CCDC141: variants seen among roughly 807,000 people sequenced by gnomAD.
CCDC141 encodes coiled-coil domain-containing protein 141.
CCDC141 carries 168 observed loss-of-function variants against 181.0 expected under a neutral mutation model. That is an observed-to-expected ratio of 0.93 (90% CI 0.82 to 1.05). The LOEUF is 1.05. Among genes scored for constraint, CCDC141 ranks in the 50% least tolerant of loss-of-function variants. The pLI, the probability that CCDC141 is intolerant of heterozygous loss-of-function variation, is 0.00. For missense variants in CCDC141, 1,902 were observed against 1,788.5 expected (o/e 1.06, Z -1.14); for synonymous variants, 666 against 642.3 (o/e 1.04, Z -0.56).
chr2:179,043,906 C>T (rs1235717843), intron 2 of CCDC141, among the ~76,000 whole-genome samples: 1 of 152,178 alleles, frequency 6.6e-6, no homozygotes, highest in Non-Finnish European at 1.5e-5. Flanking sequence ...TAGGAAAAAT[C>T]CCACTGTCTC....
intron 23 of CCDC141, 21 bp from the exon 24 acceptor site, chr2:178,834,461 T>C (rs1304483412): frequency 1.3e-6 from 2 of 1,533,648 alleles, no homozygotes; most frequent in South Asian, 2.4e-5. Context: ...GAGGCAGTTT[T>C]TAAAGTCAGG....
chr2:179,037,491 GT>G (rs1183616739), intron 2 of CCDC141, among the ~76,000 whole-genome samples: 1 of 152,194 alleles, frequency 6.6e-6, no homozygotes, highest in East Asian at 1.9e-4. Flanking sequence ...TAATATGTAA[GT>G]ATAAATAATT....
chr2:179,028,285 A>G (rs1462809427), intron 2 of CCDC141, among the ~76,000 whole-genome samples: 1 of 152,212 alleles, frequency 6.6e-6, no homozygotes, highest in African/African-American at 2.4e-5. Flanking sequence ...TTCATAGCAA[A>G]TGAACTCTTC....
the CCDC141 span, among the ~76,000 whole-genome samples, chr2:178,815,799 G>A: frequency 5.8e-3 from 880 of 151,800 alleles, 6 homozygotes; most frequent in African/African-American, 0.02. Context: ...TTTATTTTGG[G>A]GTTTTTCTTT....
intron 2 of CCDC141, among the ~76,000 whole-genome samples, chr2:178,980,102 A>G (rs1169485621): frequency 1.3e-5 from 2 of 152,180 alleles, no homozygotes; most frequent in African/African-American, 2.4e-5. Context: ...AGTTTTGATT[A>G]ATTAAAAACC....
intron 11 of CCDC141, among the ~76,000 whole-genome samples, chr2:178,878,844 C>T (rs1686468729): frequency 6.6e-6 from 1 of 151,908 alleles, no homozygotes. Flanking sequence ...CATTTAAAGC[C>T]AAGTTTTATA....
At chr2:179,012,779 G>A (rs545520019) in intron 2 of CCDC141, among the ~76,000 whole-genome samples, 75 of 152,222 alleles carry the variant, frequency 4.9e-4, no homozygotes, top group Non-Finnish European at 9.0e-4. Context: ...GATCAAGTGG[G>A]TTTCATACCA....
rs767518306 is a variant in CCDC141 at position 178,837,143 on chromosome 2, TG to T, written c.4075del (p.Gln1359LysfsTer46). 1.2e-6 allele frequency: 2 copies of T among 1,613,936 alleles called. No homozygotes were observed. Among genetic ancestry groups the T allele is most frequent in the Non-Finnish European group, 1.7e-6 (2 of 1,179,934 alleles). On this transcript the variant is annotated frameshift_variant, in exon 23 of 24. Coordinates refer to ENST00000443758, the MANE Select transcript of CCDC141 (RefSeq NM_173648.4). LOFTEE classifies it high-confidence loss of function. ...MHADNNFTKTQDRLHASSDAF... is the reference protein window; with the variant it reads ...MHADNNFTKTXDRLHASSDAF... Reference sequence around the variant, plus strand: ...ATCAGAGGAAGCATGCAGCCTATCTTGGGTTTTAGTGAAGTTATTATCAGCA... The same window carrying T: ...ATCAGAGGAAGCATGCAGCCTATCTTGGTTTTAGTGAAGTTATTATCAGCA...
chr2:179,046,510 G>T (rs577550586), intron 2 of CCDC141, among the ~76,000 whole-genome samples: 9 of 152,328 alleles, frequency 5.9e-5, no homozygotes, highest in African/African-American at 1.9e-4. Context: ...GCTTAAGAAG[G>T]GTGGGGTAAA....
At chr2:178,918,364 C>T (rs542724294) in intron 7 of CCDC141, among the ~76,000 whole-genome samples, 92 of 152,220 alleles carry the variant, frequency 6.0e-4, no homozygotes, top group African/African-American at 1.6e-3. Flanking sequence ...GCTATGATCA[C>T]GCCACTACAC....
chr2:178,902,222 C>A (rs1216236456), intron 8 of CCDC141, among the ~76,000 whole-genome samples: 5 of 152,254 alleles, frequency 3.3e-5, no homozygotes, highest in Admixed American at 2.0e-4. Context: ...ATCAAGCTAC[C>A]AATGACTTTC....
intron 2 of CCDC141, among the ~76,000 whole-genome samples, chr2:178,983,158 CT>C (rs1691519487): frequency 6.6e-6 from 1 of 152,208 alleles, no homozygotes; most frequent in African/African-American, 2.4e-5. Context: ...TCCCTGACCC[CT>C]GACCCCCGAC....
intron 17 of CCDC141, among the ~76,000 whole-genome samples, chr2:178,862,490 G>T (rs1404293447): frequency 6.6e-6 from 1 of 152,216 alleles, no homozygotes; most frequent in East Asian, 1.9e-4. Flanking sequence ...GATGTGTAAA[G>T]AATGATGTTT....
chr2:178,857,511 TTTTGAC>T lies in CCDC141; in HGVS notation c.2725-1120_2725-1115del, dbSNP rs531585818. 1.5e-3 allele frequency among the ~76,000 whole-genome samples: 225 copies of T among 152,284 alleles called. 4 individuals carry two copies. Among genetic ancestry groups the T allele is most frequent in the African/African-American group, 4.9e-3 (204 of 41,558 alleles). Reference sequence around the variant, plus strand: ...CATATAGCTATACATAGGGGATAGATTTTGACAGTCTTAACAACAGTTCAACTTTAC... The same window carrying T: ...CATATAGCTATACATAGGGGATAGATAGTCTTAACAACAGTTCAACTTTAC... On this transcript the variant is annotated intron_variant, in intron 17 of 23. Coordinates refer to ENST00000443758, the MANE Select transcript of CCDC141 (RefSeq NM_173648.4).
chr2:179,013,418 G>T (rs2042328693), intron 2 of CCDC141, among the ~76,000 whole-genome samples: 1 of 151,966 alleles, frequency 6.6e-6, no homozygotes, highest in African/African-American at 2.4e-5. Flanking sequence ...GGAGTCAAAA[G>T]ACCACTACAA....
chr2:178,905,328 C>A lies in CCDC141; in HGVS notation c.1265+1G>T. 6.5e-7 allele frequency: 1 copy of A among 1,544,756 alleles called. No homozygotes were observed. The highest frequency in any genetic ancestry group is 8.7e-7 in the Non-Finnish European group (1 of 1,144,936). ...CTGAGAAAGAAATCAACTTTACTCA[C>A]CTGCAGGAGTCTACTTGGCTGATTA... is the stretch of plus-strand genomic sequence containing the variant. On this transcript the variant is annotated splice_donor_variant, in intron 8 of 23. Coordinates refer to ENST00000443758, the MANE Select transcript of CCDC141 (RefSeq NM_173648.4). LOFTEE classifies it high-confidence loss of function.
chr2:178,837,831 T>C (rs2154365863), intron 22 of CCDC141, 87 bp from the exon 23 acceptor site: 2 of 1,439,740 alleles, frequency 1.4e-6, no homozygotes, highest in Admixed American at 2.5e-5. Context: ...TTCAGAGAGA[T>C]AACTCGAGAC....
At chr2:178,968,243 G>C (rs903574629) in intron 4 of CCDC141, among the ~76,000 whole-genome samples, 1 of 152,180 alleles carries the variant, frequency 6.6e-6, no homozygotes, top group Admixed American at 6.5e-5. Flanking sequence ...AGACCTAATA[G>C]ACATCTACAG....
At chr2:178,815,893 T>C in the CCDC141 span, among the ~76,000 whole-genome samples, 1 of 152,174 alleles carries the variant, frequency 6.6e-6, no homozygotes, top group Non-Finnish European at 1.5e-5. Context: ...TGTTAACCCA[T>C]CAGAGACTAC....
Sources: gnomAD v4.1 joint callset for allele counts (sites outside exome capture counted in the v4.1 genomes callset) on GRCh38, gnomAD v4.1.1 for gene constraint, MANE v1.5 for transcripts, NCBI Gene and HGNC (gene_info 2026-07-23, HGNC 2026-07-21) for gene names.